PVT1: variants seen among roughly 807,000 people sequenced by gnomAD.
PVT1 encodes CXCR4/PVT1 fusion.
intron 2 of PVT1, among the ~76,000 whole-genome samples, chr8:127,811,074 T>C (rs547692643): frequency 1.5e-4 from 23 of 152,254 alleles, no homozygotes; most frequent in African/African-American, 5.3e-4. Context: ...AGTGTCCGGA[T>C]TGGCAAACCA....
rs1815491895 is a variant in PVT1, at chr8:127,883,446, TG to T, written n.373-7141del. Among the ~76,000 whole-genome samples the T allele has an allele frequency of 3.3e-5, 5 of 151,854 alleles. No homozygotes were observed. In the South Asian group the frequency reaches 1.0e-3, roughly 32 times the overall value. On this transcript the variant is annotated intron_variant and non_coding_transcript_variant, in intron 2 of 10. Transcript: ENST00000651587. ...CAGGGCCTCAGCTAGTGGAAATACC[TG>T]GTGGGGAGGGTCAAGAAGGAAATGA...
intron 2 of PVT1, among the ~76,000 whole-genome samples, chr8:127,866,374 G>T (rs1216302631): frequency 1.3e-5 from 2 of 152,132 alleles, no homozygotes; most frequent in Non-Finnish European, 2.9e-5. Context: ...GCAGAGTGGG[G>T]GCCAGATGAC....
chr8:127,955,864 G>C (rs1042860699), intron 3 of PVT1, among the ~76,000 whole-genome samples: 1 of 152,128 alleles, frequency 6.6e-6, no homozygotes, highest in African/African-American at 2.4e-5. Context: ...GGTTACAGGC[G>C]TGAACCACCA....
At chr8:127,807,182 A>T (rs1183347856) in intron 2 of PVT1, among the ~76,000 whole-genome samples, 1 of 152,128 alleles carries the variant, frequency 6.6e-6, no homozygotes, top group Non-Finnish European at 1.5e-5. Context: ...TTACTTAAGG[A>T]TATTTAGAGA....
At chr8:127,984,863 T>TTCTTTCTTTC (rs1816929946) in intron 3 of PVT1, among the ~76,000 whole-genome samples, 1 of 66,424 alleles carries the variant, frequency 1.5e-5, no homozygotes, top group East Asian at 4.3e-4. Context: ...CTTTCTTTCT[T>TTCTTTCTTTC]TCTTTCTTTC....
intron 2 of PVT1, chr8:127,803,237 T>C (rs1468997677): frequency 6.8e-6 from 1 of 147,456 alleles, no homozygotes; most frequent in African/African-American, 2.5e-5. Context: ...CACGCCATTC[T>C]CCTGCCTCAG....
At chr8:128,020,372 G>T (rs1301153436) in intron 4 of PVT1, among the ~76,000 whole-genome samples, 2 of 152,182 alleles carry the variant, frequency 1.3e-5, no homozygotes, top group Admixed American at 6.5e-5. Flanking sequence ...GCCCTTAAAG[G>T]CAGAGGTTTT....
At chr8:127,979,495 G>A (rs981122029) in intron 3 of PVT1, among the ~76,000 whole-genome samples, 65 of 152,350 alleles carry the variant, frequency 4.3e-4, no homozygotes, top group African/African-American at 1.5e-3. Context: ...CTAGGAAACA[G>A]ACGCTAAGAT....
At chr8:127,815,608 T>C (rs1364570583) in intron 2 of PVT1, among the ~76,000 whole-genome samples, 1 of 152,118 alleles carries the variant, frequency 6.6e-6, no homozygotes, top group Non-Finnish European at 1.5e-5. Flanking sequence ...AGCACCCAGC[T>C]CTCTTGGGCA....
At chr8:127,997,163 TC>T (rs1219894667) in intron 4 of PVT1, among the ~76,000 whole-genome samples, 2 of 150,748 alleles carry the variant, frequency 1.3e-5, no homozygotes, top group Non-Finnish European at 3.0e-5. Context: ...CAAGCGATTC[TC>T]CCCAGTAGCT....
At chr8:127,914,435 A>G (rs1461951669) in intron 3 of PVT1, among the ~76,000 whole-genome samples, 1 of 152,172 alleles carries the variant, frequency 6.6e-6, no homozygotes, top group African/African-American at 2.4e-5. Flanking sequence ...ATAGAATTAC[A>G]TATGACCCAG....
chr8:127,985,042 C>CCTTTCT (rs1816948201), intron 3 of PVT1, among the ~76,000 whole-genome samples: 1 of 118,280 alleles, frequency 8.5e-6, no homozygotes, highest in Non-Finnish European at 1.7e-5. Flanking sequence ...TCCTTTCCTT[C>CCTTTCT]TTTTTTTTTT....
chr8:127,854,601 G>C (rs1213228166), intron 2 of PVT1: 1 of 152,188 alleles, frequency 6.6e-6, no homozygotes, highest in African/African-American at 2.4e-5. Flanking sequence ...CCTCAATCTC[G>C]GTCCGCCTTA....
intron 2 of PVT1, among the ~76,000 whole-genome samples, chr8:127,821,157 T>C (rs983357495): frequency 6.6e-6 from 1 of 152,132 alleles, no homozygotes; most frequent in African/African-American, 2.4e-5. Flanking sequence ...TGAAAGAAGA[T>C]ACAGAGATCA....
At chr8:128,016,466 A>T (rs1817375079) in intron 4 of PVT1, among the ~76,000 whole-genome samples, 1 of 152,350 alleles carries the variant, frequency 6.6e-6, no homozygotes, top group South Asian at 2.1e-4. Context: ...GTGGTCCTGA[A>T]ATTAATGTAT....
At chr8:127,811,929 A>T (rs1351154010) in intron 2 of PVT1, among the ~76,000 whole-genome samples, 1 of 152,060 alleles carries the variant, frequency 6.6e-6, no homozygotes, top group Non-Finnish European at 1.5e-5. Flanking sequence ...TGCAGTGAAC[A>T]ATTATAGCAA....
chr8:127,948,860 C>CT (rs1483897916), intron 3 of PVT1: 1 of 152,060 alleles, frequency 6.6e-6, no homozygotes, highest in Non-Finnish European at 1.5e-5. Context: ...TGTAGCAGCC[C>CT]TGGCGGATCA....
intron 3 of PVT1, among the ~76,000 whole-genome samples, chr8:127,980,791 CTTTTTTT>C (rs11361552): frequency 9.1e-5 from 11 of 120,416 alleles, no homozygotes; most frequent in Admixed American, 1.8e-4. Context: ...ACTACAGCTT[CTTTTTTT>C]TTTTTTTTTT....
chr8:127,937,964 C>T (rs534729726), intron 3 of PVT1, among the ~76,000 whole-genome samples: 14 of 152,260 alleles, frequency 9.2e-5, no homozygotes, highest in African/African-American at 1.9e-4. Context: ...GTGTGGAGGT[C>T]GACACTGGAG....
Sources: gnomAD v4.1 joint callset for allele counts (sites outside exome capture counted in the v4.1 genomes callset) on GRCh38, gnomAD v4.1.1 for gene constraint, MANE v1.5 for transcripts, NCBI Gene and HGNC (gene_info 2026-07-23, HGNC 2026-07-21) for gene names.